The following PTK2 variants were observed in gnomAD, a reference collection of about 807,000 sequenced individuals.
PTK2 encodes the protein protein tyrosine kinase 2, also known as focal adhesion kinase 1.
A neutral mutation model predicts 150.1 loss-of-function variants in PTK2; 45 were observed. That is an observed-to-expected ratio of 0.30 (90% CI 0.24 to 0.38). PTK2 has a LOEUF of 0.38. Ranked by LOEUF, PTK2 falls within the 10% of genes least tolerant of loss-of-function variation. The pLI, the probability that PTK2 is intolerant of heterozygous loss-of-function variation, is 1.00. For synonymous variants in PTK2, 432 were observed against 449.2 expected (o/e 0.96, Z 0.48); for missense variants, 919 against 1,307.3 (o/e 0.70, Z 4.58).
At chr8:140,980,885 G>A (rs2100191154) in intron 1 of PTK2, among the ~76,000 whole-genome samples, 1 of 149,810 alleles carries the variant, frequency 6.7e-6, no homozygotes. Flanking sequence ...TGAGTAGCCA[G>A]GATTACAGGT....
rs570978447 is a variant in PTK2 at position 140,895,735 on chromosome 8, C to T, written c.-32-4966G>A. On this transcript the variant is annotated intron_variant, in intron 2 of 31. Transcript: ENST00000522684. Reference sequence around the variant, plus strand: ...GAGTATAATTAGAATGTTTGTAACACCAAAAAAAGATAAATGTTTGAGGTG... The same window carrying T: ...GAGTATAATTAGAATGTTTGTAACATCAAAAAAAGATAAATGTTTGAGGTG... Among the ~76,000 whole-genome samples, 35 of 151,970 alleles carry T rather than the reference C, an allele frequency of 2.3e-4. No homozygotes were observed. The South Asian group carries it at 7.1e-3, about 31-fold the overall frequency.
chr8:140,994,703 T>C (rs1172668171), intron 1 of PTK2, among the ~76,000 whole-genome samples: 1 of 152,220 alleles, frequency 6.6e-6, no homozygotes, highest in South Asian at 2.1e-4. Flanking sequence ...CCACATGAGA[T>C]ACACATTTAC....
rs148531630 is a variant in PTK2 at position 140,824,620 on chromosome 8, T to C, written c.649-5600A>G. 5.9e-5 allele frequency among the ~76,000 whole-genome samples: 9 copies of C among 152,350 alleles called. 1 individual carries two copies. The highest frequency in any genetic ancestry group is 2.2e-4 in the African/African-American group (9 of 41,588). ...TGCTGGACAGAAACTAGAAAATCTC[T>C]GCTGTCTGAAACTCCAAAATCAGTT... On this transcript the variant is annotated intron_variant, in intron 8 of 31. Coordinates refer to ENST00000522684, the Ensembl canonical transcript of PTK2.
intron 7 of PTK2, chr8:140,833,110 T>C (rs931469285): frequency 7.8e-6 from 4 of 515,870 alleles, no homozygotes; most frequent in Middle Eastern, 3.2e-4. Context: ...AGGAAGCATA[T>C]GTTTTTTGAA....
intron 16 of PTK2, among the ~76,000 whole-genome samples, chr8:140,753,878 C>T (rs2100064162): frequency 6.6e-6 from 1 of 152,132 alleles, no homozygotes; most frequent in African/African-American, 2.4e-5. Context: ...TAAAGATCTG[C>T]AGAATTAATT....
At chr8:140,920,973 G>T in intron 2 of PTK2, 1 of 1,366,908 alleles carries the variant, frequency 7.3e-7, no homozygotes, top group Non-Finnish European at 9.4e-7. Flanking sequence ...GTTCCTCGCT[G>T]TGATAGTATT....
intron 14 of PTK2, among the ~76,000 whole-genome samples, chr8:140,770,497 A>C (rs2100074868): frequency 6.6e-6 from 1 of 152,256 alleles, no homozygotes; most frequent in South Asian, 2.1e-4. Flanking sequence ...AAACAGGCAA[A>C]CAAAAAATCT....
At chr8:140,882,451 C>T (rs1175736042) in intron 3 of PTK2, among the ~76,000 whole-genome samples, 3 of 152,136 alleles carry the variant, frequency 2.0e-5, no homozygotes, top group African/African-American at 4.8e-5. Context: ...ATTTAAATTT[C>T]TCATCGTGAC....
chr8:140,736,542 T>C (rs201855018), intron 21 of PTK2, among the ~76,000 whole-genome samples: 1 of 139,788 alleles, frequency 7.2e-6, no homozygotes, highest in East Asian at 2.2e-4. Context: ...AAAAAAAAAA[T>C]TTAAAAATTC....
At chr8:140,787,801 C>T (rs573351431) in intron 14 of PTK2, among the ~76,000 whole-genome samples, 21 of 152,266 alleles carry the variant, frequency 1.4e-4, no homozygotes, top group Admixed American at 3.9e-4. Context: ...GGGCAGTCCC[C>T]GGGGCTCATC....
chr8:140,732,704 T>C, intron 22 of PTK2: 3 of 403,976 alleles, frequency 7.4e-6, no homozygotes, highest in South Asian at 3.7e-5. Context: ...TCAGCTACTG[T>C]AGGTGCTCAA....
At position 140,761,161 on chromosome 8, in the gene PTK2, T is replaced by G; in HGVS notation, c.1332+4A>C. On this transcript the variant is annotated splice_donor_region_variant and intron_variant, in intron 16 of 31. Coordinates refer to ENST00000522684, the Ensembl canonical transcript of PTK2. ...TAGTTGTTTGGTAGTCTTAAAAGAC[T>G]TACTGGACTCATATAAATGCCTTGA... is the stretch of plus-strand genomic sequence containing the variant. 6.3e-7 allele frequency: 1 copy of G among 1,590,062 alleles called. No homozygotes were observed. Among genetic ancestry groups the G allele is most frequent in the Non-Finnish European group, 8.6e-7 (1 of 1,158,568 alleles).
chr8:140,999,690 T>C (rs1359827804), intron 1 of PTK2, among the ~76,000 whole-genome samples: 1 of 152,220 alleles, frequency 6.6e-6, no homozygotes. Flanking sequence ...TTTTCAAATA[T>C]GGGACGGAGT....
At chr8:140,955,664 A>C (rs1569468961) in intron 1 of PTK2, among the ~76,000 whole-genome samples, 2 of 152,222 alleles carry the variant, frequency 1.3e-5, no homozygotes, top group African/African-American at 4.8e-5. Context: ...AAAACAGAAA[A>C]ACTTGGGGGA....
intron 5 of PTK2, among the ~76,000 whole-genome samples, chr8:140,847,000 T>C (rs1418742488): frequency 6.6e-6 from 1 of 152,168 alleles, no homozygotes; most frequent in Non-Finnish European, 1.5e-5. Flanking sequence ...AATAAAATGG[T>C]CTCCTATTAA....
intron 12 of PTK2, among the ~76,000 whole-genome samples, chr8:140,794,177 T>C (rs1429931863): frequency 2.0e-5 from 3 of 152,214 alleles, no homozygotes; most frequent in African/African-American, 7.2e-5. Context: ...TCTTCCCAAA[T>C]TACCAATTCA....
chr8:140,749,181 A>G (rs10089626), intron 17 of PTK2, among the ~76,000 whole-genome samples: 3,401 of 152,310 alleles, frequency 0.022, 134 homozygotes, highest in African/African-American at 0.079. Context: ...ACAAAAACCC[A>G]TATAATGTAA....
chr8:140,970,218 C>G (rs1039615257), intron 1 of PTK2, among the ~76,000 whole-genome samples: 1 of 152,248 alleles, frequency 6.6e-6, no homozygotes, highest in Admixed American at 6.5e-5. Flanking sequence ...TTCTCCAACC[C>G]TTCCAACAGT....
intron 14 of PTK2, among the ~76,000 whole-genome samples, chr8:140,771,989 A>T (rs2100075752): frequency 6.6e-6 from 1 of 150,932 alleles, no homozygotes; most frequent in Admixed American, 6.6e-5. Context: ...GGGTTTCACC[A>T]TGTTGGCTAG....
Sources: allele counts gnomAD v4.1 joint callset (sites outside exome capture counted in the v4.1 genomes callset), GRCh38; gene constraint gnomAD v4.1.1; transcripts MANE v1.5; gene names NCBI Gene and HGNC (gene_info 2026-07-23, HGNC 2026-07-21).